RNF38: variants seen among roughly 807,000 people sequenced by gnomAD.
RNF38 encodes the protein E3 ubiquitin-protein ligase RNF38.
RNF38 carries 15 observed loss-of-function variants against 67.2 expected under a neutral mutation model. The ratio of observed to expected loss-of-function variants is 0.22; its 90% confidence interval spans 0.15 to 0.34. RNF38 has a LOEUF of 0.34. RNF38 is among the 10% of genes least tolerant of loss of function. The probability of loss-of-function intolerance (pLI) is 1.00; values close to 1 mark genes in which losing one functional copy is unlikely to be tolerated. For synonymous variants in RNF38, 220 were observed against 218.8 expected, an observed-to-expected ratio of 1.01 and a Z score of -0.05; for missense variants, 524 against 639.9, an observed-to-expected ratio of 0.82 and a Z score of 1.95.
At chr9:36,480,109 G>C (rs1033763834) in intron 1 of RNF38, among the ~76,000 whole-genome samples, 1 of 152,066 alleles carries the variant, frequency 6.6e-6, no homozygotes, top group Non-Finnish European at 1.5e-5. Flanking sequence ...CTCCCGAGTA[G>C]CTGGGCCTAC....
chr9:36,379,127 C>T lies in RNF38; in HGVS notation c.163-3000G>A, dbSNP rs534545941. On this transcript the variant is annotated intron_variant, in intron 2 of 11. Coordinates refer to ENST00000259605, the MANE Select transcript of RNF38 (RefSeq NM_022781.5). ...GTTGGTCAGGATGGTCTCGAACTCTCGACCTCAGGTGATCCGACCGCCTTG... is the reference window on the plus strand; with the variant it reads ...GTTGGTCAGGATGGTCTCGAACTCTTGACCTCAGGTGATCCGACCGCCTTG... Among the ~76,000 whole-genome samples the T allele has an allele frequency of 2.6e-5, 4 of 152,212 alleles. No homozygotes were observed. The East Asian group carries it at 5.8e-4, about 22-fold the overall frequency.
At chr9:36,479,947 T>C (rs1056780785) in intron 1 of RNF38, among the ~76,000 whole-genome samples, 22 of 152,146 alleles carry the variant, frequency 1.4e-4, no homozygotes, top group African/African-American at 5.1e-4. Flanking sequence ...AAGTATGAGT[T>C]CCAACTTTTC....
chr9:36,421,178 T>C (rs992283122), intron 2 of RNF38, among the ~76,000 whole-genome samples: 5 of 152,202 alleles, frequency 3.3e-5, no homozygotes, highest in Admixed American at 1.3e-4. Flanking sequence ...AAATACACCA[T>C]GCCTGAAAGA....
At chr9:36,455,553 C>T (rs1037098348) in intron 1 of RNF38, among the ~76,000 whole-genome samples, 1 of 151,902 alleles carries the variant, frequency 6.6e-6, no homozygotes, top group Non-Finnish European at 1.5e-5. Context: ...GAGGCCGAGG[C>T]GGGTGGATCA....
chr9:36,372,162 C>A (rs1564017896), intron 3 of RNF38, among the ~76,000 whole-genome samples: 1 of 152,192 alleles, frequency 6.6e-6, no homozygotes, highest in Non-Finnish European at 1.5e-5. Context: ...AACTCCCGAC[C>A]TTGTGATCCG....
At chr9:36,441,007 T>C (rs963131952) in intron 1 of RNF38, among the ~76,000 whole-genome samples, 2 of 152,160 alleles carry the variant, frequency 1.3e-5, no homozygotes, top group Non-Finnish European at 2.9e-5. Flanking sequence ...CCTGCCAATC[T>C]AATACACTCA....
intron 1 of RNF38, among the ~76,000 whole-genome samples, chr9:36,429,796 G>T (rs1838881748): frequency 6.6e-6 from 1 of 152,018 alleles, no homozygotes. Context: ...TCCGTCTCAA[G>T]AAAAAATAAA....
At chr9:36,382,506 TA>T (rs1369544932) in intron 2 of RNF38, among the ~76,000 whole-genome samples, 1 of 152,326 alleles carries the variant, frequency 6.6e-6, no homozygotes, top group African/African-American at 2.4e-5. Context: ...CATTAAAGGC[TA>T]AAGAAAAACA....
In RNF38 at chr9:36,353,015, A is replaced by AC. The variant is rs1833817332; in HGVS notation, c.1071+154dup. Among the ~76,000 whole-genome samples, 3 of 152,244 alleles carry AC rather than the reference A, an allele frequency of 2.0e-5. No individual in the cohort carries two copies. In the South Asian group the frequency reaches 6.2e-4, roughly 31 times the overall value. ...TTAATGGATGCAGCAACCATTTTAA[A>AC]CCATACACTCAGGTGTATTTCTAAA... On this transcript the variant is annotated intron_variant, in intron 7 of 11. Coordinates refer to ENST00000259605, the MANE Select transcript of RNF38 (RefSeq NM_022781.5).
exon 1 of RNF38, chr9:36,487,365 C>T (rs1410262292): frequency 1.0e-6 from 1 of 984,230 alleles, no homozygotes; most frequent in Non-Finnish European, 1.2e-6. Context: ...CGGAGAGGCC[C>T]GTGGCCCGGA....
chr9:36,385,160 G>A (rs148782251), intron 2 of RNF38, among the ~76,000 whole-genome samples: 64 of 151,774 alleles, frequency 4.2e-4, no homozygotes, highest in Non-Finnish European at 8.2e-4. Flanking sequence ...AAAAAAAATC[G>A]TTTTGAAGTA....
chr9:36,404,818 G>C (rs1838140088), upstream of RNF38, among the ~76,000 whole-genome samples: 1 of 151,966 alleles, frequency 6.6e-6, no homozygotes, highest in Admixed American at 6.5e-5. Flanking sequence ...TAGTGCACTG[G>C]CAACGACCTC....
chr9:36,347,387 GGT>G (rs1215689288), intron 9 of RNF38, among the ~76,000 whole-genome samples: 2 of 152,040 alleles, frequency 1.3e-5, no homozygotes, highest in Non-Finnish European at 2.9e-5. Flanking sequence ...AAAAATTGAA[GGT>G]GTGTGGCCAC....
chr9:36,392,968 T>TCA (rs1837223895), intron 1 of RNF38, among the ~76,000 whole-genome samples: 1 of 152,210 alleles, frequency 6.6e-6, no homozygotes, highest in Non-Finnish European at 1.5e-5. Context: ...AAGGAGTATT[T>TCA]CACATTCCTG....
chr9:36,440,608 A>G (rs546971627), intron 1 of RNF38, among the ~76,000 whole-genome samples: 22 of 148,316 alleles, frequency 1.5e-4, no homozygotes, highest in South Asian at 8.4e-4. Flanking sequence ...TGTTAAGTGG[A>G]AAAAAAAAGC....
chr9:36,349,982 C>T (rs931193343), intron 9 of RNF38, among the ~76,000 whole-genome samples: 4 of 152,088 alleles, frequency 2.6e-5, no homozygotes, highest in Admixed American at 2.0e-4. Flanking sequence ...CCACGCCTCG[C>T]TAATTTTAGT....
In RNF38 at chr9:36,390,386, C is replaced by A. The variant is rs1426084892; in HGVS notation, c.162+81G>T. ...CAGAAAACAAGGAGACGATATTGGG[C>A]ATTTTGTTTCAAGCCTTCCTAGAAA... On this transcript the variant is annotated intron_variant, in intron 2 of 11. Transcript: ENST00000259605. 4.3e-6 allele frequency: 5 copies of A among 1,174,730 alleles called. No individual in the cohort carries two copies. The African/African-American group carries it at 6.3e-5, about 15-fold the overall frequency. 72.8% of individuals were successfully genotyped at this position (1,174,730 alleles called of 1,614,324 possible). A position where few individuals can be genotyped will look rare whatever the true frequency, so the allele number is the denominator to read the frequency against.
intron 2 of RNF38, among the ~76,000 whole-genome samples, chr9:36,381,018 G>A (rs752911197): frequency 6.6e-5 from 10 of 152,190 alleles, no homozygotes; most frequent in Non-Finnish European, 1.3e-4. Context: ...CAGTGGAAAA[G>A]AGAAGGAAAC....
chr9:36,364,524 CTGT>C (rs1834803382), intron 4 of RNF38, among the ~76,000 whole-genome samples: 1 of 152,232 alleles, frequency 6.6e-6, no homozygotes, highest in East Asian at 1.9e-4. Flanking sequence ...TATATGTGGT[CTGT>C]TGGTCAAACG....
Sources: gnomAD v4.1 joint callset for allele counts (sites outside exome capture counted in the v4.1 genomes callset) on GRCh38, gnomAD v4.1.1 for gene constraint, MANE v1.5 for transcripts, NCBI Gene and HGNC (gene_info 2026-07-23, HGNC 2026-07-21) for gene names.